HERC2: variants seen among roughly 807,000 people sequenced by gnomAD.
The protein encoded by HERC2 is E3 ubiquitin-protein ligase HERC2.
HERC2 carries 102 observed loss-of-function variants against 537.7 expected under a neutral mutation model. The observed-to-expected ratio is 0.19, with a 90% CI of 0.16 to 0.22. The LOEUF is 0.22. Among genes scored for constraint, HERC2 ranks in the 10% least tolerant of loss-of-function variants. The pLI is 1.00. For synonymous variants in HERC2, 2,224 were observed against 2,466.2 expected, an observed-to-expected ratio of 0.90 and a Z score of 2.91; for missense variants, 4,236 against 6,198.2, an observed-to-expected ratio of 0.68 and a Z score of 10.63.
intron 92 of HERC2, among the ~76,000 whole-genome samples, chr15:28,112,592 G>A (rs966021691): frequency 4.6e-5 from 7 of 152,166 alleles, no homozygotes; most frequent in Non-Finnish European, 8.8e-5. Context: ...CTGCTGTTAC[G>A]GTCCCAACAG....
chr15:28,276,394 G>A (rs570754696), intron 5 of HERC2, among the ~76,000 whole-genome samples: 1 of 152,176 alleles, frequency 6.6e-6, no homozygotes, highest in African/African-American at 2.4e-5. Context: ...CCTGGAAGAT[G>A]GAAATCTTTG....
Position 28,209,840 on chromosome 15 carries a change from T to C in HERC2, c.7069+1162A>G, listed in dbSNP as rs539601460. On this transcript the variant is annotated intron_variant, in intron 44 of 92. Transcript: ENST00000261609. ...AATGGCACCATGGTATCACACTGTA[T>C]GGATACACAACATAAGAATAGGTAT... 1.9e-3 allele frequency among the ~76,000 whole-genome samples: 291 copies of C among 151,814 alleles called. 3 individuals carry two copies. The highest frequency in any genetic ancestry group is 6.8e-3 in the Middle Eastern group (2 of 292).
intron 2 of HERC2, among the ~76,000 whole-genome samples, chr15:28,313,216 C>G (rs1378929928): frequency 7.6e-6 from 1 of 131,326 alleles, no homozygotes; most frequent in Non-Finnish European, 1.6e-5. Flanking sequence ...TTTTTTGAGA[C>G]AGAGTCTTGC....
At chr15:28,132,019 G>T (rs574195919) in intron 81 of HERC2, 81 bp downstream of exon 81, 3 of 1,232,382 alleles carry the variant, frequency 2.4e-6, no homozygotes, top group Non-Finnish European at 3.3e-6. Context: ...TGGCTCTGAG[G>T]CTGTGTTTTC....
At chr15:28,225,082 A>G (rs890911234) in intron 35 of HERC2, among the ~76,000 whole-genome samples, 12 of 152,210 alleles carry the variant, frequency 7.9e-5, no homozygotes, top group African/African-American at 2.9e-4. Context: ...GAACTAAAAA[A>G]TAACACAATA....
intron 45 of HERC2, among the ~76,000 whole-genome samples, chr15:28,205,384 G>T (rs1898328240): frequency 7.5e-6 from 1 of 133,306 alleles, no homozygotes; most frequent in Non-Finnish European, 1.5e-5. Context: ...GAGGTTCCCA[G>T]ACCTGAGAAG....
rs777874695 is a variant in HERC2 at position 28,255,857 on chromosome 15, C to A, written c.2871+15G>T. 1.3e-6 allele frequency: 2 copies of A among 1,596,794 alleles called. No homozygotes were observed. Among genetic ancestry groups the A allele is most frequent in the Non-Finnish European group, 1.7e-6 (2 of 1,178,650 alleles). On this transcript the variant is annotated intron_variant, in intron 19 of 92. Transcript: ENST00000261609. Reference sequence around the variant, plus strand: ...TCAGTGCACCACCAGGTCACGTGTGCCTCCAAAGCCATACCTGGATCTCTG... The same window carrying A: ...TCAGTGCACCACCAGGTCACGTGTGACTCCAAAGCCATACCTGGATCTCTG...
At chr15:28,219,902 C>T (rs1327156306) in intron 37 of HERC2, among the ~76,000 whole-genome samples, 1 of 152,232 alleles carries the variant, frequency 6.6e-6, no homozygotes, top group African/African-American at 2.4e-5. Context: ...CAGATAGGAT[C>T]TAGCTTTCTT....
intron 21 of HERC2, 85 bp from the exon 22 acceptor site, chr15:28,246,982 A>T: frequency 8.9e-7 from 1 of 1,123,370 alleles, no homozygotes. Context: ...TGCTATTCTC[A>T]TCTACACATC....
rs141981089 is a variant in HERC2, at chr15:28,215,694, G to A, written c.6137C>T (p.Pro2046Leu). 90 of 1,611,990 alleles carry A rather than the reference G, an allele frequency of 5.6e-5. No homozygotes were observed. The highest frequency in any genetic ancestry group is 2.3e-4 in the Middle Eastern group (1 of 4,430). The change falls in exon 39 of 93, where the codon CCG becomes CTG. Residue 2046 changes from proline (P) to leucine (L), a missense_variant. Pro to Leu is a moderately conservative substitution (Grantham distance 98). Around this residue, in one of 27 missense-constraint regions of HERC2, gnomAD observed 365 missense variants for 468.8 expected, o/e 0.78. Transcript: ENST00000261609. ...TPQVCGALSSPQWITLLMKVV... is the reference protein window; with the variant it reads ...TPQVCGALSSLQWITLLMKVV... ...CTTCATGAGCAGCGTGATCCACTGC[G>A]GGGAGCTGAGGGCGCCGCATACCTG...
intron 65 of HERC2, 94 bp from the exon 66 acceptor site, chr15:28,169,749 C>A: frequency 8.7e-7 from 1 of 1,144,040 alleles, no homozygotes; most frequent in Non-Finnish European, 1.2e-6. Context: ...CCAAAACACA[C>A]TGCAATCTGC....
intron 69 of HERC2, among the ~76,000 whole-genome samples, chr15:28,159,272 T>G (rs773013526): frequency 2.7e-4 from 41 of 152,180 alleles, no homozygotes; most frequent in Non-Finnish European, 3.2e-4. Flanking sequence ...TCCTGAATTT[T>G]AATGTTGGCC....
At chr15:28,317,379 G>A (rs866445102) in intron 2 of HERC2, among the ~76,000 whole-genome samples, 39 of 152,170 alleles carry the variant, frequency 2.6e-4, no homozygotes, top group African/African-American at 8.9e-4. Context: ...GTGAGCCACC[G>A]CGCCCAGCCG....
chr15:28,235,457 A>G (rs1902328874), intron 26 of HERC2, among the ~76,000 whole-genome samples: 1 of 152,124 alleles, frequency 6.6e-6, no homozygotes, highest in South Asian at 2.1e-4. Flanking sequence ...AGAGGGCACC[A>G]CAGGCAGCCC....
intron 4 of HERC2, among the ~76,000 whole-genome samples, chr15:28,284,452 C>T (rs531115100): frequency 6.6e-6 from 1 of 151,596 alleles, no homozygotes; most frequent in Non-Finnish European, 1.5e-5. Flanking sequence ...TAAAAGACAC[C>T]AGGAGAGCAG....
At chr15:28,152,882 T>A in intron 69 of HERC2, 52 bp from the exon 70 acceptor site, 1 of 1,528,690 alleles carries the variant, frequency 6.5e-7, no homozygotes. Context: ...CCACACCTGG[T>A]CACCTGCATG....
chr15:28,227,468 G>GA (rs1220198016), intron 35 of HERC2, among the ~76,000 whole-genome samples: 1,137 of 107,056 alleles, frequency 0.011, 12 homozygotes, highest in South Asian at 0.023. Context: ...AAAAAAAAAA[G>GA]AAAAAAAAAA....
At position 28,167,788 on chromosome 15, in the gene HERC2, T is replaced by G; in HGVS notation, c.10453A>C (p.Thr3485Pro). The change falls in exon 68 of 93, where the codon ACT becomes CCT. Residue 3485 changes from threonine (T) to proline (P), a missense_variant. This residue lies in a region of HERC2 where 356 missense variants were observed against 450.9 expected (regional missense o/e 0.79). Transcript: ENST00000261609. ...SEDAVTPSAV[T>P]PSAPSASARP... ...GCGGAGGCTGAGGGGGCCGACGGAG[T>G]CACTGCAGAGGGGGTCACTGCGTCC... 1 of 1,613,986 alleles carries G rather than the reference T, an allele frequency of 6.2e-7. No homozygotes were observed. The highest frequency in any genetic ancestry group is 8.5e-7 in the Non-Finnish European group (1 of 1,179,998).
rs769310602 is a variant in HERC2 at position 28,176,925 on chromosome 15, A to C, written c.9432+25T>G. On this transcript the variant is annotated intron_variant, in intron 61 of 92. Transcript: ENST00000261609. The surrounding 1 kb of genome is among the most constrained non-coding windows in gnomAD (Gnocchi z 5.0). ...CATCTTCAGATGGTAAGCTTTCTGC[A>C]AGCAACAAAAATGCGTATAATCACC... is the stretch of plus-strand genomic sequence containing the variant. 2.3e-5 allele frequency: 37 copies of C among 1,601,106 alleles called. No individual in the cohort carries two copies. In the South Asian group the frequency reaches 4.0e-4, roughly 17 times the overall value.
Sources: allele counts gnomAD v4.1 joint callset (sites outside exome capture counted in the v4.1 genomes callset), GRCh38; gene constraint gnomAD v4.1.1; regional missense constraint gnomAD v4.1.1; non-coding constraint Gnocchi (gnomAD v3.1); transcripts MANE v1.5; gene names NCBI Gene and HGNC (gene_info 2026-07-23, HGNC 2026-07-21).